HS6ST3: variants seen among roughly 807,000 people sequenced by gnomAD.
HS6ST3 encodes the protein heparan-sulfate 6-O-sulfotransferase 3.
Under a neutral mutation model 36.7 loss-of-function variants are expected in HS6ST3, and 12 were observed. The ratio of observed to expected loss-of-function variants is 0.33; its 90% CI spans 0.21 to 0.53. HS6ST3 has a LOEUF of 0.53. HS6ST3 is among the 20% of genes least tolerant of loss of function. HS6ST3 has a pLI of 0.95. For missense variants in HS6ST3, 584 were observed against 640.9 expected (o/e 0.91, Z 0.96); for synonymous variants, 240 against 257.5 (o/e 0.93, Z 0.65).
chr13:96,727,280 TA>T (rs1876028198), intron 1 of HS6ST3, among the ~76,000 whole-genome samples: 2 of 152,272 alleles, frequency 1.3e-5, no homozygotes, highest in South Asian at 2.1e-4. Context: ...CTGTGAATAA[TA>T]AAGTTTCATA....
chr13:96,576,105 A>T (rs2056319677), intron 1 of HS6ST3, among the ~76,000 whole-genome samples: 1 of 152,186 alleles, frequency 6.6e-6, no homozygotes, highest in South Asian at 2.1e-4. Context: ...GCGGGGGCAC[A>T]TGTGAGAAAG....
At chr13:96,551,161 A>G (rs1449359165) in intron 1 of HS6ST3, among the ~76,000 whole-genome samples, 2 of 152,330 alleles carry the variant, frequency 1.3e-5, no homozygotes, top group African/African-American at 2.4e-5. Context: ...AAGACAATTA[A>G]ATGTTAATAA....
chr13:96,112,239 C>A (rs1459964441), intron 1 of HS6ST3, among the ~76,000 whole-genome samples: 2 of 152,030 alleles, frequency 1.3e-5, no homozygotes, highest in African/African-American at 4.8e-5. Flanking sequence ...AGAAACACAG[C>A]AAACTCTTTT....
At chr13:96,614,478 A>C (rs1281197810) in intron 1 of HS6ST3, among the ~76,000 whole-genome samples, 2 of 151,942 alleles carry the variant, frequency 1.3e-5, no homozygotes, top group Non-Finnish European at 2.9e-5. Flanking sequence ...TTAAGAGCAA[A>C]ATAGGGCCAA....
intron 1 of HS6ST3, among the ~76,000 whole-genome samples, chr13:96,376,525 G>A (rs1466851779): frequency 6.6e-6 from 1 of 152,108 alleles, no homozygotes; most frequent in Non-Finnish European, 1.5e-5. Context: ...AAATTGAATT[G>A]CATCAAAACT....
At chr13:96,566,778 G>A (rs1196735968) in intron 1 of HS6ST3, among the ~76,000 whole-genome samples, 2 of 152,176 alleles carry the variant, frequency 1.3e-5, no homozygotes, top group African/African-American at 4.8e-5. Context: ...GATGGGGAAG[G>A]AAAGTGTTGT....
chr13:96,450,700 A>G (rs1238984047), intron 1 of HS6ST3, among the ~76,000 whole-genome samples: 1 of 152,224 alleles, frequency 6.6e-6, no homozygotes, highest in Non-Finnish European at 1.5e-5. Flanking sequence ...TTAATAAGCA[A>G]TTATGCTGTA....
chr13:96,475,073 C>CT (rs111456614), intron 1 of HS6ST3, among the ~76,000 whole-genome samples: 173 of 145,920 alleles, frequency 1.2e-3, no homozygotes, highest in Admixed American at 9.6e-4. Context: ...AGTGAGGCTA[C>CT]TTTTTTTTTT....
chr13:96,684,836 G>T (rs1171095130), intron 1 of HS6ST3, among the ~76,000 whole-genome samples: 1 of 152,014 alleles, frequency 6.6e-6, no homozygotes, highest in Non-Finnish European at 1.5e-5. Flanking sequence ...CAAGCAAGAA[G>T]CCACTAGATG....
chr13:96,553,086 A>G (rs758022724), intron 1 of HS6ST3, among the ~76,000 whole-genome samples: 1 of 152,074 alleles, frequency 6.6e-6, no homozygotes, highest in Non-Finnish European at 1.5e-5. Flanking sequence ...GAGTGACTGG[A>G]GATAGTGTAC....
intron 1 of HS6ST3, among the ~76,000 whole-genome samples, chr13:96,658,043 G>A (rs2056631740): frequency 6.6e-6 from 1 of 152,022 alleles, no homozygotes; most frequent in Admixed American, 6.6e-5. Flanking sequence ...CCATGGGGAT[G>A]ATTTTTGATT....
At chr13:96,405,119 C>G (rs1356739147) in intron 1 of HS6ST3, among the ~76,000 whole-genome samples, 1 of 152,106 alleles carries the variant, frequency 6.6e-6, no homozygotes, top group Admixed American at 6.6e-5. Context: ...TGTAAATTGC[C>G]CAGTCTCAGG....
At chr13:96,461,243 GAGA>G (rs1380762373) in intron 1 of HS6ST3, among the ~76,000 whole-genome samples, 16 of 152,310 alleles carry the variant, frequency 1.1e-4, no homozygotes, top group Admixed American at 1.0e-3. Context: ...CGTTGGGAAT[GAGA>G]AGATGTATAA....
intron 1 of HS6ST3, among the ~76,000 whole-genome samples, chr13:96,280,426 A>T (rs148992342): frequency 6.6e-6 from 1 of 152,148 alleles, no homozygotes; most frequent in Non-Finnish European, 1.5e-5. Flanking sequence ...CAGGTATTAT[A>T]CTGTAAACCA....
intron 1 of HS6ST3, among the ~76,000 whole-genome samples, chr13:96,571,770 G>A (rs1299298359): frequency 1.3e-5 from 2 of 152,104 alleles, no homozygotes; most frequent in African/African-American, 2.4e-5. Context: ...ATTAAACCTA[G>A]TGTTTAGGAA....
chr13:96,603,165 G>A (rs2056427613), intron 1 of HS6ST3, among the ~76,000 whole-genome samples: 1 of 152,132 alleles, frequency 6.6e-6, no homozygotes, highest in Non-Finnish European at 1.5e-5. Context: ...CTGTGTAACA[G>A]CCACCTACCT....
chr13:96,683,477 GTATTA>G, intron 1 of HS6ST3, among the ~76,000 whole-genome samples: 1 of 152,116 alleles, frequency 6.6e-6, no homozygotes, highest in Non-Finnish European at 1.5e-5. Flanking sequence ...ATACTAGCAG[GTATTA>G]TTTCATCATT....
intron 1 of HS6ST3, among the ~76,000 whole-genome samples, chr13:96,425,796 T>C (rs1439690238): frequency 6.6e-6 from 1 of 152,026 alleles, no homozygotes; most frequent in African/African-American, 2.4e-5. Context: ...ACCAGAATGA[T>C]TTTTTGGGGG....
intron 1 of HS6ST3, among the ~76,000 whole-genome samples, chr13:96,803,158 C>T (rs763840551): frequency 9.3e-5 from 14 of 150,922 alleles, no homozygotes; most frequent in Non-Finnish European, 2.1e-4. Flanking sequence ...CTCATTCCCC[C>T]AGTGGAGGCT....
Sources: allele counts gnomAD v4.1 joint callset (sites outside exome capture counted in the v4.1 genomes callset), GRCh38; gene constraint gnomAD v4.1.1; transcripts MANE v1.5; gene names NCBI Gene and HGNC (gene_info 2026-07-23, HGNC 2026-07-21).